TMEM132C: variants seen among roughly 807,000 people sequenced by gnomAD.
The protein encoded by TMEM132C is transmembrane protein 132C, also known as protein phosphatase 1, regulatory subunit 152.
A neutral mutation model predicts 61.4 loss-of-function variants in TMEM132C; 29 were observed. The observed-to-expected ratio is 0.47, with a 90% CI of 0.35 to 0.64. The LOEUF is 0.64. Among genes scored for constraint, TMEM132C ranks in the 30% least tolerant of loss-of-function variants. TMEM132C has a pLI of 0.00. For missense variants in TMEM132C, 1,408 were observed against 1,476.9 expected (o/e 0.95, Z 0.76); for synonymous variants, 656 against 633.1 (o/e 1.04, Z -0.54).
At chr12:128,408,467 G>T (rs1868395169) in intron 1 of TMEM132C, among the ~76,000 whole-genome samples, 1 of 151,966 alleles carries the variant, frequency 6.6e-6, no homozygotes, top group Admixed American at 6.6e-5. Context: ...TCTCCAAGCA[G>T]ATGAGTCTCT....
chr12:128,473,480 C>T (rs1381117518), intron 2 of TMEM132C, among the ~76,000 whole-genome samples: 5 of 151,610 alleles, frequency 3.3e-5, no homozygotes, highest in African/African-American at 1.2e-4. Context: ...ATCTGCACTC[C>T]AGCTTCTATC....
At chr12:128,586,227 C>T (rs1179688795) in intron 3 of TMEM132C, among the ~76,000 whole-genome samples, 1 of 152,032 alleles carries the variant, frequency 6.6e-6, no homozygotes, top group Non-Finnish European at 1.5e-5. Flanking sequence ...TCTGCCACTG[C>T]ATGCATGGGT....
chr12:128,400,268 G>T (rs532969626), intron 1 of TMEM132C: 1 of 152,238 alleles, frequency 6.6e-6, no homozygotes, highest in Non-Finnish European at 1.5e-5. Context: ...GTGCCCACCC[G>T]TGGCTGAGCT....
chr12:128,280,237 C>T (rs1189164000), intron 1 of TMEM132C, among the ~76,000 whole-genome samples: 1 of 152,184 alleles, frequency 6.6e-6, no homozygotes, highest in Non-Finnish European at 1.5e-5. Flanking sequence ...GTGCCCCCGT[C>T]AATTTGAGGT....
intron 1 of TMEM132C, among the ~76,000 whole-genome samples, chr12:128,352,614 C>T (rs1277759088): frequency 1.3e-5 from 2 of 152,136 alleles, no homozygotes; most frequent in African/African-American, 4.8e-5. Context: ...TCAGCCATCC[C>T]CATAATTACT....
chr12:128,629,860 G>C (rs1012088282), intron 4 of TMEM132C, among the ~76,000 whole-genome samples: 1 of 151,824 alleles, frequency 6.6e-6, no homozygotes, highest in Non-Finnish European at 1.5e-5. Context: ...CAGCTACTCG[G>C]GAGACTGAGG....
At chr12:128,567,282 A>C (rs556151386) in intron 3 of TMEM132C, among the ~76,000 whole-genome samples, 1 of 152,364 alleles carries the variant, frequency 6.6e-6, no homozygotes. Context: ...ATTGAAAAAA[A>C]GAACCTAGCA....
At chr12:128,521,588 A>T (rs1872908869) in intron 2 of TMEM132C, among the ~76,000 whole-genome samples, 1 of 152,050 alleles carries the variant, frequency 6.6e-6, no homozygotes, top group South Asian at 2.1e-4. Flanking sequence ...TTAACAGATT[A>T]TACAGGACTA....
At chr12:128,376,274 C>A (rs1030720572) in intron 1 of TMEM132C, among the ~76,000 whole-genome samples, 1 of 152,176 alleles carries the variant, frequency 6.6e-6, no homozygotes, top group African/African-American at 2.4e-5. Context: ...TTTTCTTCTT[C>A]TGATTTATGA....
chr12:128,695,541 T>G (rs960885475), intron 6 of TMEM132C, among the ~76,000 whole-genome samples: 1 of 152,154 alleles, frequency 6.6e-6, no homozygotes, highest in Non-Finnish European at 1.5e-5. Context: ...TAATAATAAT[T>G]CATTAATTAA....
chr12:128,665,709 A>G (rs1954456035), intron 4 of TMEM132C, among the ~76,000 whole-genome samples: 1 of 146,160 alleles, frequency 6.8e-6, no homozygotes, highest in African/African-American at 2.6e-5. Flanking sequence ...ACACACATTC[A>G]CAGGCACTCA....
intron 1 of TMEM132C, among the ~76,000 whole-genome samples, chr12:128,337,474 T>G (rs1320806866): frequency 6.6e-6 from 1 of 152,202 alleles, no homozygotes; most frequent in Non-Finnish European, 1.5e-5. Flanking sequence ...CATTCCTACC[T>G]TTTTCTGATT....
chr12:128,448,441 C>A (rs1870064792), intron 2 of TMEM132C, among the ~76,000 whole-genome samples: 1 of 152,202 alleles, frequency 6.6e-6, no homozygotes, highest in African/African-American at 2.4e-5. Context: ...GGTCGACTGG[C>A]TATCATCTGG....
At chr12:128,327,224 A>C (rs1340845086) in intron 1 of TMEM132C, among the ~76,000 whole-genome samples, 1 of 150,226 alleles carries the variant, frequency 6.7e-6, no homozygotes, top group South Asian at 2.1e-4. Context: ...AAATTAAACA[A>C]GGAGTTGTCG....
At chr12:128,600,519 C>T (rs114725794) in intron 3 of TMEM132C, among the ~76,000 whole-genome samples, 157 of 152,292 alleles carry the variant, frequency 1.0e-3, no homozygotes, top group Middle Eastern at 3.4e-3. Flanking sequence ...AGTGCTGCAG[C>T]GAGAATTGGA....
intron 4 of TMEM132C, among the ~76,000 whole-genome samples, chr12:128,642,611 G>A (rs1321255247): frequency 1.3e-5 from 2 of 152,144 alleles, no homozygotes; most frequent in African/African-American, 4.8e-5. Context: ...CTCGCCATGT[G>A]ATGCCAACCT....
intron 3 of TMEM132C, among the ~76,000 whole-genome samples, chr12:128,558,644 C>T (rs1224022634): frequency 1.3e-5 from 2 of 152,364 alleles, no homozygotes; most frequent in African/African-American, 4.8e-5. Flanking sequence ...GCTATACTGC[C>T]CTGCTGACTT....
intron 1 of TMEM132C, among the ~76,000 whole-genome samples, chr12:128,276,616 A>AT (rs1272175549): frequency 1.3e-5 from 2 of 152,004 alleles, no homozygotes; most frequent in African/African-American, 4.8e-5. Context: ...TCTTAGGTTA[A>AT]TTTTTTCTCC....
In TMEM132C at chr12:128,344,752, C is replaced by T. The variant is rs192878001; in HGVS notation, c.86-69980C>T. On this transcript the variant is annotated intron_variant, in intron 1 of 8. Transcript: ENST00000435159. ...GAGCATCTTTTCATGAACTTATCAC[C>T]TATAGGTGCATGAAATTATGTGCTT... Among the ~76,000 whole-genome samples, 32 of 152,136 alleles carry T rather than the reference C, an allele frequency of 2.1e-4. No homozygotes were observed. The East Asian group carries it at 5.8e-3, about 28-fold the overall frequency.
Sources: allele counts gnomAD v4.1 joint callset (sites outside exome capture counted in the v4.1 genomes callset), GRCh38; gene constraint gnomAD v4.1.1; transcripts MANE v1.5; gene names NCBI Gene and HGNC (gene_info 2026-07-23, HGNC 2026-07-21).